RYK: variants seen among roughly 807,000 people sequenced by gnomAD.
RYK encodes receptor like tyrosine kinase.
Under a neutral mutation model 70.2 loss-of-function variants are expected in RYK, and 21 were observed. The ratio of observed to expected loss-of-function variants is 0.30; its 90% CI spans 0.21 to 0.43. RYK has a LOEUF of 0.43. Among genes scored for constraint, RYK ranks in the 20% least tolerant of loss-of-function variants. RYK has a pLI of 1.00. For synonymous variants in RYK, 267 were observed against 278.0 expected (o/e 0.96, Z 0.39); for missense variants, 604 against 753.3 (o/e 0.80, Z 2.32).
intron 4 of RYK, among the ~76,000 whole-genome samples, chr3:134,208,666 C>T (rs1184772399): frequency 6.6e-6 from 1 of 152,144 alleles, no homozygotes; most frequent in Non-Finnish European, 1.5e-5. Context: ...ACACTCAGCA[C>T]TGATTTCAAT....
intron 13 of RYK, among the ~76,000 whole-genome samples, chr3:134,163,748 ATCT>A (rs1159220994): frequency 6.6e-6 from 1 of 152,228 alleles, no homozygotes; most frequent in East Asian, 1.9e-4. Flanking sequence ...ATTGTAAATT[ATCT>A]TATCTGACCA....
intron 1 of RYK, among the ~76,000 whole-genome samples, chr3:134,249,580 C>T (rs2015552170): frequency 6.6e-6 from 1 of 152,082 alleles, no homozygotes; most frequent in Non-Finnish European, 1.5e-5. Flanking sequence ...TCCACAAAGT[C>T]CTAACATAAG....
chr3:134,189,976 G>A (rs898807347), intron 8 of RYK, among the ~76,000 whole-genome samples: 9 of 152,024 alleles, frequency 5.9e-5, no homozygotes, highest in Non-Finnish European at 8.8e-5. Flanking sequence ...TAAAAGATAA[G>A]CTTGCAAATA....
intron 5 of RYK, among the ~76,000 whole-genome samples, chr3:134,205,581 G>T (rs2014190344): frequency 1.3e-5 from 2 of 152,116 alleles, no homozygotes; most frequent in Admixed American, 1.3e-4. Context: ...CGGCTCTGCT[G>T]GGCAGATCCC....
intron 11 of RYK, among the ~76,000 whole-genome samples, chr3:134,177,383 CA>C (rs75761758): frequency 0.29 from 43,404 of 151,832 alleles, 7,955 homozygotes; most frequent in Middle Eastern, 0.46. Flanking sequence ...CAGCTGACAG[CA>C]AAAAAAACCC....
rs377522270 is a variant in RYK at position 134,221,151 on chromosome 3, A to T, written c.354+1267T>A. 1.1e-4 allele frequency among the ~76,000 whole-genome samples: 16 copies of T among 151,072 alleles called. No individual in the cohort carries two copies. The East Asian group carries it at 2.3e-3, about 22-fold the overall frequency. ...GAAGAAGTTATACCAAACTATAAAC[A>T]ATTACTTCTGAGTATAGAACTACAA... On this transcript the variant is annotated intron_variant, in intron 2 of 14. Coordinates refer to ENST00000623711, the MANE Select transcript of RYK (RefSeq NM_002958.4).
At chr3:134,211,900 G>A (rs764490697) in intron 2 of RYK, among the ~76,000 whole-genome samples, 3 of 152,212 alleles carry the variant, frequency 2.0e-5, no homozygotes, top group Non-Finnish European at 4.4e-5. Flanking sequence ...CACTGACAGA[G>A]AGGCCATGGA....
intron 1 of RYK, among the ~76,000 whole-genome samples, chr3:134,238,081 A>T (rs1486591098): frequency 6.6e-6 from 1 of 152,238 alleles, no homozygotes; most frequent in East Asian, 1.9e-4. Flanking sequence ...TGTTCATCAG[A>T]ATGTAATAAA....
intron 11 of RYK, 84 bp downstream of exon 11, chr3:134,177,857 T>C: frequency 8.4e-7 from 1 of 1,193,614 alleles, no homozygotes; most frequent in Non-Finnish European, 1.2e-6. Context: ...AAACAGTTTA[T>C]ATTTAAGAAT....
chr3:134,183,155 C>G (rs1311414742), intron 9 of RYK, 84 bp from the exon 10 acceptor site: 2 of 753,976 alleles, frequency 2.7e-6, no homozygotes, highest in Non-Finnish European at 2.1e-6. Context: ...AAATAATTAT[C>G]TTGAACTATA....
intron 1 of RYK, among the ~76,000 whole-genome samples, chr3:134,238,301 C>T (rs1220079172): frequency 1.3e-5 from 2 of 152,194 alleles, no homozygotes; most frequent in Admixed American, 6.5e-5. Flanking sequence ...CCACATTCTT[C>T]AGCATTTCCT....
At chr3:134,161,236 A>T (rs1201071318) in intron 13 of RYK, among the ~76,000 whole-genome samples, 2 of 152,242 alleles carry the variant, frequency 1.3e-5, no homozygotes, top group African/African-American at 2.4e-5. Flanking sequence ...GAATGGAAAC[A>T]CTATATTAAA....
chr3:134,191,730 T>C, intron 8 of RYK, 119 bp downstream of exon 8: 1 of 746,286 alleles, frequency 1.3e-6, no homozygotes, highest in Non-Finnish European at 2.1e-6. Context: ...AACCATACAC[T>C]GCTTCCTATC....
At chr3:134,223,112 CAAAGGG>C (rs1477188771) in intron 1 of RYK, among the ~76,000 whole-genome samples, 1 of 152,166 alleles carries the variant, frequency 6.6e-6, no homozygotes, top group Non-Finnish European at 1.5e-5. Flanking sequence ...ACCAAGACTA[CAAAGGG>C]AAGAACACTA....
intron 9 of RYK, among the ~76,000 whole-genome samples, chr3:134,183,971 G>A (rs781604183): frequency 2.6e-5 from 4 of 152,080 alleles, no homozygotes; most frequent in Non-Finnish European, 4.4e-5. Context: ...ACATATGATG[G>A]CTACTTTTCA....
At chr3:134,226,106 A>G (rs1360455262) in intron 1 of RYK, among the ~76,000 whole-genome samples, 1 of 152,166 alleles carries the variant, frequency 6.6e-6, no homozygotes, top group Non-Finnish European at 1.5e-5. Context: ...AAAGAGTATT[A>G]TTTGAAAAGA....
Position 134,250,772 on chromosome 3 carries a change from C to T in RYK, c.-118G>A. 2.9e-6 allele frequency: 1 copy of T among 343,008 alleles called. No individual in the cohort carries two copies. The highest frequency in any genetic ancestry group is 4.1e-6 in the Non-Finnish European group (1 of 243,380). The allele number at this position is 343,008 out of a possible 1,614,324, so 21.2% of individuals were successfully genotyped here. ...GGCGGCTGCCCAGCTCATCGCACCG[C>T]CGGCCCGTGGCAGCCAGCAGTGGCT... On this transcript the variant is annotated 5_prime_UTR_variant, in exon 1 of 15. Coordinates refer to ENST00000623711, the MANE Select transcript of RYK (RefSeq NM_002958.4).
intron 1 of RYK, among the ~76,000 whole-genome samples, chr3:134,240,198 G>A (rs1315136298): frequency 6.6e-6 from 1 of 151,964 alleles, no homozygotes; most frequent in Non-Finnish European, 1.5e-5. Context: ...ATACATATTG[G>A]AATATTTTTA....
At chr3:134,187,890 G>C (rs1313537038) in intron 9 of RYK, among the ~76,000 whole-genome samples, 1 of 151,880 alleles carries the variant, frequency 6.6e-6, no homozygotes, top group Non-Finnish European at 1.5e-5. Flanking sequence ...GCTTTCACAA[G>C]CATCTGTTGT....
Sources: allele counts gnomAD v4.1 joint callset (sites outside exome capture counted in the v4.1 genomes callset), GRCh38; gene constraint gnomAD v4.1.1; transcripts MANE v1.5; gene names NCBI Gene and HGNC (gene_info 2026-07-23, HGNC 2026-07-21).